Variants in STAMBP observed in about 807,000 individuals in gnomAD.
STAMBP encodes STAM-binding protein.
In STAMBP, 31 loss-of-function variants were observed where a neutral mutation model predicts 50.7. That is an observed-to-expected ratio of 0.61 (90% CI 0.46 to 0.83). STAMBP has a LOEUF of 0.83. STAMBP is among the 40% of genes least tolerant of loss of function. The pLI is 0.00. For missense variants in STAMBP, 472 were observed against 518.9 expected, an observed-to-expected ratio of 0.91 and a Z score of 0.88; for synonymous variants, 211 against 192.4, an observed-to-expected ratio of 1.10 and a Z score of -0.80.
In STAMBP at chr2:73,864,770, G is replaced by A. The variant is rs964997889; in HGVS notation, c.*2511G>A. 4 of 152,348 alleles carry A rather than the reference G, an allele frequency of 2.6e-5. No individual in the cohort carries two copies. Among genetic ancestry groups the A allele is most frequent in the East Asian group, 3.9e-4 (2 of 5,188 alleles). The allele number at this position is 152,348 out of a possible 1,614,324, so 9.4% of individuals were successfully genotyped here. ...GGCTGAGAGGGGAGACAAAAGCATC[G>A]TCAGGTTGCCAAACAATGTCCCAGT... On this transcript the variant is annotated 3_prime_UTR_variant, in exon 10 of 10. Transcript: ENST00000394070.
chr2:73,833,033 G>A (rs533916841), intron 2 of STAMBP, among the ~76,000 whole-genome samples: 8 of 152,326 alleles, frequency 5.3e-5, no homozygotes, highest in African/African-American at 1.4e-4. Flanking sequence ...AGGACCAAAA[G>A]TGGTGCAGAA....
At chr2:73,857,281 A>T (rs1368044169) in intron 7 of STAMBP, among the ~76,000 whole-genome samples, 2 of 151,996 alleles carry the variant, frequency 1.3e-5, no homozygotes, top group Non-Finnish European at 2.9e-5. Context: ...ACAGTCCTTC[A>T]TCCAACCAGG....
At chr2:73,852,638 G>A (rs17404009) in intron 7 of STAMBP, among the ~76,000 whole-genome samples, 3,628 of 152,202 alleles carry the variant, frequency 0.024, 66 homozygotes, top group Non-Finnish European at 0.037. Context: ...AAAGGTGAGG[G>A]TAGTGGTAAG....
downstream of STAMBP, among the ~76,000 whole-genome samples, chr2:73,869,408 A>G (rs1320231286): frequency 6.6e-6 from 1 of 152,238 alleles, no homozygotes; most frequent in African/African-American, 2.4e-5. Flanking sequence ...CACTATCGGT[A>G]TTCTATGAGA....
chr2:73,860,269 G>T, intron 9 of STAMBP, 118 bp downstream of exon 9: 1 of 794,744 alleles, frequency 1.3e-6, no homozygotes, highest in Non-Finnish European at 2.0e-6. Flanking sequence ...CACTTACCTT[G>T]CCAGATCTCC....
Position 73,865,180 on chromosome 2 carries a change from T to A in STAMBP, c.*2921T>A, listed in dbSNP as rs1678753206. 1 of 152,196 alleles carries A rather than the reference T, an allele frequency of 6.6e-6. No individual in the cohort carries two copies. Among genetic ancestry groups the A allele is most frequent in the Non-Finnish European group, 1.5e-5 (1 of 68,038 alleles). The allele number at this position is 152,196 out of a possible 1,614,324, so 9.4% of individuals were successfully genotyped here. On this transcript the variant is annotated 3_prime_UTR_variant, in exon 10 of 10. Coordinates refer to ENST00000394070, the MANE Select transcript of STAMBP (RefSeq NM_213622.4). ...CCAGTTGAAAGAGAAATTTTTCATA[T>A]TGGGGTTGAGAAGAATGGAGGCTAT...
chr2:73,846,640 T>A (rs1277335651), intron 4 of STAMBP, among the ~76,000 whole-genome samples: 4 of 141,940 alleles, frequency 2.8e-5, no homozygotes, highest in East Asian at 4.2e-4. Flanking sequence ...AAAAAAAAAA[T>A]TCAGTAGAGA....
At chr2:73,851,447 C>T (rs56655387) in intron 7 of STAMBP, among the ~76,000 whole-genome samples, 5,476 of 152,228 alleles carry the variant, frequency 0.036, 326 homozygotes, top group African/African-American at 0.12. Context: ...CAAGAGGTGC[C>T]AGCGAGGCAC....
At chr2:73,861,399 G>A (rs1204559824) in intron 9 of STAMBP, among the ~76,000 whole-genome samples, 2 of 152,094 alleles carry the variant, frequency 1.3e-5, no homozygotes, top group East Asian at 1.9e-4. Flanking sequence ...GGTGGGACTG[G>A]TGGTAGTAAT....
chr2:73,856,100 T>C (rs6734898), intron 7 of STAMBP, among the ~76,000 whole-genome samples: 5,963 of 152,316 alleles, frequency 0.039, 389 homozygotes, highest in African/African-American at 0.13. Context: ...AAACAAACAA[T>C]GGAAACAAAT....
Position 73,850,072 on chromosome 2 carries a change from G to C in STAMBP, c.868-304G>C, listed in dbSNP as rs1222054945. 6.6e-6 allele frequency among the ~76,000 whole-genome samples: 1 copy of C among 152,226 alleles called. No individual in the cohort carries two copies. The highest frequency in any genetic ancestry group is 2.4e-5 in the African/African-American group (1 of 41,460). On this transcript the variant is annotated intron_variant, in intron 6 of 9. Coordinates refer to ENST00000394070, the MANE Select transcript of STAMBP (RefSeq NM_213622.4). This position sits in a 1 kb window ranked among gnomAD's most constrained non-coding sequence, Gnocchi z 4.3. ...AACTTTAGACCTGAGCAAGGGAAGA[G>C]AAATGGTACTCTACCCAGAGCTTCT...
chr2:73,858,799 C>T (rs536449443), intron 7 of STAMBP, among the ~76,000 whole-genome samples: 1 of 152,294 alleles, frequency 6.6e-6, no homozygotes, highest in East Asian at 1.9e-4. Context: ...GATGGCTTCT[C>T]ACTTACAAAG....
chr2:73,840,902 C>T (rs1268461769), intron 2 of STAMBP, among the ~76,000 whole-genome samples: 1 of 152,018 alleles, frequency 6.6e-6, no homozygotes, highest in African/African-American at 2.4e-5. Flanking sequence ...GTATGGGTAT[C>T]CCATTTCTCT....
chr2:73,830,265 G>A (rs763259573), intron 1 of STAMBP, among the ~76,000 whole-genome samples: 4 of 152,226 alleles, frequency 2.6e-5, no homozygotes, highest in Non-Finnish European at 4.4e-5. Flanking sequence ...GGTTTAGTGA[G>A]CAGAGTTACA....
chr2:73,857,310 G>A (rs936301746), intron 7 of STAMBP, among the ~76,000 whole-genome samples: 3 of 152,102 alleles, frequency 2.0e-5, no homozygotes, highest in African/African-American at 4.8e-5. Flanking sequence ...AACCCATCAG[G>A]TACCCTAGAT....
chr2:73,865,301 G>A lies in STAMBP; in HGVS notation c.*3042G>A, dbSNP rs558308376. ...AGAACACAGTTTTAGGACCAGAGTA[G>A]ATGTTGTTCCCTAGAAAATAGAGTC... On this transcript the variant is annotated 3_prime_UTR_variant, in exon 10 of 10. Coordinates refer to ENST00000394070, the MANE Select transcript of STAMBP (RefSeq NM_213622.4). 1.3e-5 allele frequency: 2 copies of A among 152,338 alleles called. No homozygotes were observed. Among genetic ancestry groups the A allele is most frequent in the South Asian group, 2.1e-4 (1 of 4,822 alleles). 9.4% of individuals were successfully genotyped at this position (152,338 alleles called of 1,614,324 possible). A position where few individuals can be genotyped will look rare whatever the true frequency, so the allele number is the denominator to read the frequency against.
rs367684813 is a variant in STAMBP, at chr2:73,861,554, C to G, written c.1219-649C>G. ...TTTTTGTTTGAAACAGAGTCTCGCTCTGTTGCCGGGCTGGAGTGCAGTGGT... is the reference window on the plus strand; with the variant it reads ...TTTTTGTTTGAAACAGAGTCTCGCTGTGTTGCCGGGCTGGAGTGCAGTGGT... On this transcript the variant is annotated intron_variant, in intron 9 of 9. Coordinates refer to ENST00000394070, the MANE Select transcript of STAMBP (RefSeq NM_213622.4). Among the ~76,000 whole-genome samples, 94 of 152,084 alleles carry G rather than the reference C, an allele frequency of 6.2e-4. 2 individuals are homozygous for G. In the South Asian group the frequency reaches 0.019, roughly 31 times the overall value.
intron 7 of STAMBP, among the ~76,000 whole-genome samples, chr2:73,853,576 G>C (rs758018887): frequency 6.6e-6 from 1 of 152,138 alleles, no homozygotes; most frequent in African/African-American, 2.4e-5. Flanking sequence ...ACAAAAATTA[G>C]CTGGACATGG....
intron 7 of STAMBP, among the ~76,000 whole-genome samples, chr2:73,857,312 A>G (rs969880650): frequency 3.3e-5 from 5 of 152,122 alleles, no homozygotes; most frequent in African/African-American, 1.2e-4. Flanking sequence ...CCCATCAGGT[A>G]CCCTAGATCT....
Sources: allele counts gnomAD v4.1 joint callset (sites outside exome capture counted in the v4.1 genomes callset), GRCh38; gene constraint gnomAD v4.1.1; non-coding constraint Gnocchi (gnomAD v3.1); transcripts MANE v1.5; gene names NCBI Gene and HGNC (gene_info 2026-07-23, HGNC 2026-07-21).